The following RNFT2 variants were observed in gnomAD, a reference collection of about 807,000 sequenced individuals.
The protein encoded by RNFT2 is ring finger protein, transmembrane 2, also known as E3 ubiquitin-protein ligase RNFT2.
A neutral mutation model predicts 53.0 loss-of-function variants in RNFT2; 36 were observed. That is an observed-to-expected ratio of 0.68 (90% CI 0.52 to 0.90). The LOEUF (loss-of-function observed/expected upper bound fraction) is 0.90. Ranked by LOEUF, RNFT2 falls within the 40% of genes least tolerant of loss-of-function variation. The probability of loss-of-function intolerance (pLI) is 0.00; values close to 1 mark genes in which losing one functional copy is unlikely to be tolerated. For synonymous variants in RNFT2, 260 were observed against 253.2 expected (o/e 1.03, Z -0.26); for missense variants, 514 against 585.6 (o/e 0.88, Z 1.26).
At chr12:116,738,829 T>C (rs1871448454) in intron 1 of RNFT2, 1 of 152,172 alleles carries the variant, frequency 6.6e-6, no homozygotes, top group Non-Finnish European at 1.5e-5. Context: ...AATGTGTGGA[T>C]GAGAACTTTG....
intron 7 of RNFT2, among the ~76,000 whole-genome samples, chr12:116,832,130 CAAAAAA>C (rs138431200): frequency 0.029 from 2,777 of 95,292 alleles, 75 homozygotes; most frequent in Admixed American, 0.041. Context: ...GACCTTGTCT[CAAAAAA>C]AAAAAAAAAA....
chr12:116,739,279 A>G (rs1323666999), intron 1 of RNFT2, among the ~76,000 whole-genome samples: 1 of 152,200 alleles, frequency 6.6e-6, no homozygotes, highest in East Asian at 1.9e-4. Flanking sequence ...GAAAGGTGGG[A>G]CAGGGAGCAA....
intron 7 of RNFT2, among the ~76,000 whole-genome samples, chr12:116,819,458 C>A (rs1028840501): frequency 1.3e-4 from 20 of 152,170 alleles, no homozygotes; most frequent in African/African-American, 4.8e-4. Context: ...GCCATGAGAT[C>A]ATGAGATGCC....
rs905148995 is a variant in RNFT2, at chr12:116,755,630, C to T, written c.627+1570C>T. 3 of 1,137,148 alleles carry T rather than the reference C, an allele frequency of 2.6e-6. No individual in the cohort carries two copies. In the Admixed American group the frequency reaches 5.1e-5, roughly 19 times the overall value. The allele number at this position is 1,137,148 out of a possible 1,614,324, so 70.4% of individuals were successfully genotyped here. A position where few individuals can be genotyped will look rare whatever the true frequency, so the allele number is the denominator to read the frequency against. On this transcript the variant is annotated intron_variant, in intron 5 of 10. Transcript: ENST00000257575. ...ATTAATTCTCTCGGCAAGAATCTTG[C>T]CCTTAACTTGTTTGTTTACAACAAT...
At chr12:116,826,512 T>A (rs1253542062) in intron 7 of RNFT2, among the ~76,000 whole-genome samples, 1 of 152,218 alleles carries the variant, frequency 6.6e-6, no homozygotes, top group Non-Finnish European at 1.5e-5. Context: ...ATTATAAAAC[T>A]GCTTAATTAG....
intron 7 of RNFT2, among the ~76,000 whole-genome samples, chr12:116,819,587 G>A (rs899019820): frequency 2.0e-5 from 3 of 152,176 alleles, no homozygotes; most frequent in African/African-American, 7.2e-5. Context: ...CGCGCCGCCA[G>A]GAGGGGGATT....
intron 7 of RNFT2, among the ~76,000 whole-genome samples, chr12:116,792,685 C>G (rs1314007881): frequency 2.6e-5 from 4 of 152,054 alleles, no homozygotes; most frequent in African/African-American, 9.7e-5. Flanking sequence ...GGAAAAGGTT[C>G]ACAGCCTTCC....
At chr12:116,845,921 A>G (rs1178505801) in intron 10 of RNFT2, among the ~76,000 whole-genome samples, 1 of 152,044 alleles carries the variant, frequency 6.6e-6, no homozygotes, top group Non-Finnish European at 1.5e-5. Flanking sequence ...TTCTATCTCT[A>G]TCCCATCCCC....
At chr12:116,784,305 C>A (rs183155028) in intron 7 of RNFT2, among the ~76,000 whole-genome samples, 2 of 152,354 alleles carry the variant, frequency 1.3e-5, no homozygotes, top group East Asian at 3.9e-4. Flanking sequence ...CCGCACGTGT[C>A]GTGTCCTCTT....
intron 10 of RNFT2, 24 bp from the exon 11 acceptor site, chr12:116,849,290 G>A (rs1279284771): frequency 6.6e-7 from 1 of 1,518,412 alleles, no homozygotes; most frequent in Admixed American, 2.0e-5. Flanking sequence ...GAGTCCTGGT[G>A]CCTGCTGATT....
intron 3 of RNFT2, among the ~76,000 whole-genome samples, chr12:116,749,090 A>G (rs1285241283): frequency 6.6e-6 from 1 of 152,148 alleles, no homozygotes; most frequent in African/African-American, 2.4e-5. Context: ...GTAACAAAGT[A>G]CCACACCCCA....
At chr12:116,760,221 C>G (rs1436184249) in intron 5 of RNFT2, among the ~76,000 whole-genome samples, 1 of 152,186 alleles carries the variant, frequency 6.6e-6, no homozygotes, top group African/African-American at 2.4e-5. Flanking sequence ...GCCCCCAGAC[C>G]ATTTCCAGGT....
intron 3 of RNFT2, among the ~76,000 whole-genome samples, chr12:116,745,839 G>C (rs570498008): frequency 9.3e-4 from 142 of 152,292 alleles, no homozygotes; most frequent in African/African-American, 3.2e-3. Context: ...ATTGTGCCGG[G>C]TGGTAAAGAT....
intron 10 of RNFT2, among the ~76,000 whole-genome samples, chr12:116,841,796 TATATATATAAATATATATATAA>T (rs1877277436): frequency 2.2e-5 from 2 of 92,226 alleles, no homozygotes; most frequent in African/African-American, 9.8e-5. Context: ...TATATATAAA[TATATATATAAATATATATATAA>T]AAATATATAT....
At chr12:116,818,125 G>A (rs572971533) in intron 7 of RNFT2, among the ~76,000 whole-genome samples, 3 of 152,094 alleles carry the variant, frequency 2.0e-5, no homozygotes, top group African/African-American at 4.8e-5. Context: ...TTACCAGCCT[G>A]GGCAACACAG....
At chr12:116,773,045 T>C (rs889252829) in intron 6 of RNFT2, among the ~76,000 whole-genome samples, 49 of 152,136 alleles carry the variant, frequency 3.2e-4, no homozygotes, top group African/African-American at 1.1e-3. Context: ...GCCAGGATGG[T>C]CTCGATCTCT....
chr12:116,754,837 G>GT (rs1164227152), intron 5 of RNFT2, among the ~76,000 whole-genome samples: 2 of 152,042 alleles, frequency 1.3e-5, no homozygotes, highest in Non-Finnish European at 2.9e-5. Flanking sequence ...GGGATTGTTT[G>GT]TTTTTTTCTT....
intron 10 of RNFT2, among the ~76,000 whole-genome samples, chr12:116,847,574 C>G (rs573029267): frequency 6.6e-6 from 1 of 150,714 alleles, no homozygotes; most frequent in African/African-American, 2.4e-5. Context: ...GTTGCCCAGG[C>G]TGGAACACAA....
intron 7 of RNFT2, among the ~76,000 whole-genome samples, chr12:116,821,324 C>T (rs1876009154): frequency 6.6e-6 from 1 of 152,096 alleles, no homozygotes; most frequent in Non-Finnish European, 1.5e-5. Flanking sequence ...CCGGGCGCTG[C>T]TGTGAAGTCA....
Sources: gnomAD v4.1 joint callset for allele counts (sites outside exome capture counted in the v4.1 genomes callset) on GRCh38, gnomAD v4.1.1 for gene constraint, MANE v1.5 for transcripts, NCBI Gene and HGNC (gene_info 2026-07-23, HGNC 2026-07-21) for gene names.